CTSH: variants seen among roughly 807,000 people sequenced by gnomAD.
CTSH encodes the protein pro-cathepsin H.
A neutral mutation model predicts 56.3 loss-of-function variants in CTSH; 52 were observed. The observed-to-expected ratio is 0.92, with a 90% CI of 0.74 to 1.16. The LOEUF is 1.16. CTSH is among the 50% of genes most tolerant of loss of function. The probability of loss-of-function intolerance (pLI) is 0.00; values close to 1 mark genes in which losing one functional copy is unlikely to be tolerated. For synonymous variants in CTSH, 174 were observed against 155.7 expected (o/e 1.12, Z -0.88); for missense variants, 406 against 424.5 (o/e 0.96, Z 0.38).
chr15:78,940,442 C>G (rs1336033996), intron 1 of CTSH, among the ~76,000 whole-genome samples: 1 of 151,468 alleles, frequency 6.6e-6, no homozygotes, highest in Non-Finnish European at 1.5e-5. Context: ...AAAAATTAGA[C>G]GGGAGAATCA....
chr15:78,922,261 C>A (rs1291053997), intron 11 of CTSH, 56 bp from the exon 12 acceptor site: 1 of 1,448,440 alleles, frequency 6.9e-7, no homozygotes. Flanking sequence ...ACAGGCCTTT[C>A]TAGAATGTTT....
At chr15:78,941,679 C>T (rs1460118865) in intron 1 of CTSH, among the ~76,000 whole-genome samples, 1 of 151,712 alleles carries the variant, frequency 6.6e-6, no homozygotes. Context: ...GCCTGCAGTC[C>T]CAGCTACTCA....
At chr15:78,929,014 G>A (rs7163828) in intron 8 of CTSH, among the ~76,000 whole-genome samples, 1 of 151,686 alleles carries the variant, frequency 6.6e-6, no homozygotes, top group African/African-American at 2.4e-5. Context: ...GCCTTGATAG[G>A]GTAGGGGTGG....
intron 7 of CTSH, among the ~76,000 whole-genome samples, chr15:78,930,759 G>A (rs2055040263): frequency 6.6e-6 from 1 of 152,076 alleles, no homozygotes; most frequent in Non-Finnish European, 1.5e-5. Context: ...CCCTGCAGGA[G>A]GAAGAGCCAG....
rs893210154 is a variant in CTSH, at chr15:78,944,940, G to T, written c.42C>A (p.Leu14=). The change falls in exon 1 of 12, where the codon CTC becomes CTA. Residue 14 remains leucine, a synonymous_variant. Coordinates refer to ENST00000220166, the MANE Select transcript of CTSH (RefSeq NM_004390.5). ...CGGCACCGCAGACGGGGACTCCCAGGAGCCAGGCCCCGGCGCAGAGCAGCG... is the reference window on the plus strand; with the variant it reads ...CGGCACCGCAGACGGGGACTCCCAGTAGCCAGGCCCCGGCGCAGAGCAGCG... ...TLPLLCAGAW[L]LGVPVCGAAE... 1 of 1,548,452 alleles carries T rather than the reference G, an allele frequency of 6.5e-7. No individual in the cohort carries two copies. Among genetic ancestry groups the T allele is most frequent in the Non-Finnish European group, 8.7e-7 (1 of 1,146,190 alleles).
chr15:78,921,916 A>G lies in CTSH; in HGVS notation c.*214T>C. 1.7e-6 allele frequency: 1 copy of G among 583,442 alleles called. No homozygotes were observed. Among genetic ancestry groups the G allele is most frequent in the Non-Finnish European group, 3.1e-6 (1 of 327,186 alleles). 36.1% of individuals were successfully genotyped at this position (583,442 alleles called of 1,614,324 possible). Reference sequence around the variant, plus strand: ...AGTCTGTTAAGAAGGACACTAAGGCACATGGCTGGTGATCTTTGCGTCATA... The same window carrying G: ...AGTCTGTTAAGAAGGACACTAAGGCGCATGGCTGGTGATCTTTGCGTCATA... On this transcript the variant is annotated 3_prime_UTR_variant, in exon 12 of 12. Coordinates refer to ENST00000220166, the MANE Select transcript of CTSH (RefSeq NM_004390.5).
intron 10 of CTSH, 67 bp downstream of exon 10, chr15:78,925,267 T>G: frequency 1.0e-6 from 1 of 989,966 alleles, no homozygotes; most frequent in Non-Finnish European, 1.6e-6. Flanking sequence ...GTCCCACGAG[T>G]GGGGTGTGAG....
At chr15:78,944,314 A>G (rs2055350003) in intron 1 of CTSH, among the ~76,000 whole-genome samples, 1 of 152,208 alleles carries the variant, frequency 6.6e-6, no homozygotes, top group Admixed American at 6.5e-5. Flanking sequence ...AATCTGGCCA[A>G]CAAGAGGAGT....
chr15:78,941,842 T>G (rs1197393883), intron 1 of CTSH, among the ~76,000 whole-genome samples: 1 of 152,086 alleles, frequency 6.6e-6, no homozygotes, highest in Non-Finnish European at 1.5e-5. Context: ...TCATAATTAT[T>G]ATTAGTGTCC....
Position 78,937,314 on chromosome 15 carries a change from G to C in CTSH, c.229+4C>G, listed in dbSNP as rs368423187. 36 of 1,611,130 alleles carry C rather than the reference G, an allele frequency of 2.2e-5. No individual in the cohort carries two copies. In the African/African-American group the frequency reaches 4.0e-4, roughly 18 times the overall value. ...CCAGGAAGGAAGGAAGGCGTTCCAC[G>C]TACTTTTAAATGTGTGGTTCCCATT... On this transcript the variant is annotated splice_donor_region_variant and intron_variant, in intron 3 of 11. Coordinates refer to ENST00000220166, the MANE Select transcript of CTSH (RefSeq NM_004390.5).
intron 5 of CTSH, among the ~76,000 whole-genome samples, chr15:78,933,754 T>A (rs1221777099): frequency 6.6e-6 from 1 of 152,172 alleles, no homozygotes; most frequent in Non-Finnish European, 1.5e-5. Flanking sequence ...CAAACCACCC[T>A]CCCTCTCAGG....
Position 78,937,337 on chromosome 15 carries a change from A to G in CTSH, c.210T>C (p.Asn70=), listed in dbSNP as rs138419720. ...SNWRKINAHN[N]GNHTFKMALN... ...ACGTACTTTTAAATGTGTGGTTCCC[A>G]TTGTTGTGGGCGTTTATCTTCCTCC... is the stretch of plus-strand genomic sequence containing the variant. Residue 70 remains asparagine, a synonymous_variant, in exon 3 of 12, where the codon AAT becomes AAC. Coordinates refer to ENST00000220166, the MANE Select transcript of CTSH (RefSeq NM_004390.5). 1.7e-4 allele frequency: 271 copies of G among 1,613,264 alleles called. 1 individual carries two copies. In the African/African-American group the frequency reaches 3.4e-3, roughly 20 times the overall value.
chr15:78,944,034 G>A (rs1259851501), intron 1 of CTSH, among the ~76,000 whole-genome samples: 1 of 152,228 alleles, frequency 6.6e-6, no homozygotes, highest in Non-Finnish European at 1.5e-5. Flanking sequence ...TCTAGCTGGG[G>A]GAAAGCCCTG....
At chr15:78,926,662 T>A (rs1479368212) in intron 9 of CTSH, 1 of 152,224 alleles carries the variant, frequency 6.6e-6, no homozygotes, top group Admixed American at 6.5e-5. Context: ...CGCTGTATGT[T>A]GTCAAGGCAA....
Position 78,944,949 on chromosome 15 carries a change from C to T in CTSH, c.33G>A (p.Gly11=), listed in dbSNP as rs545051698. ...AGACGGGGACTCCCAGGAGCCAGGC[C>T]CCGGCGCAGAGCAGCGGCAGCGTGG... MWATLPLLCA[G]AWLLGVPVCG... The change falls in exon 1 of 12, where the codon GGG becomes GGA. Residue 11 remains glycine (G), a synonymous_variant. Coordinates refer to ENST00000220166, the MANE Select transcript of CTSH (RefSeq NM_004390.5). 2.3e-3 allele frequency: 3,637 copies of T among 1,547,876 alleles called. 6 individuals carry two copies. The highest frequency in any genetic ancestry group is 2.9e-3 in the Non-Finnish European group (3,336 of 1,146,060).
chr15:78,944,076 C>G (rs1004068548), intron 1 of CTSH, among the ~76,000 whole-genome samples: 3 of 152,346 alleles, frequency 2.0e-5, no homozygotes, highest in Admixed American at 6.5e-5. Flanking sequence ...GGCACCCCCC[C>G]TCCCTAGGTT....
intron 8 of CTSH, 60 bp from the exon 9 acceptor site, chr15:78,927,841 A>G (rs2054946781): frequency 7.2e-7 from 1 of 1,379,616 alleles, no homozygotes; most frequent in African/African-American, 1.4e-5. Context: ...CAGCCTCCCC[A>G]CGCAGTTCAA....
intron 4 of CTSH, 61 bp from the exon 5 acceptor site, chr15:78,935,143 A>G: frequency 8.8e-7 from 1 of 1,137,746 alleles, no homozygotes; most frequent in South Asian, 1.3e-5. Context: ...CTTTCTGACA[A>G]CAAGAAGAAG....
Position 78,921,757 on chromosome 15 carries a change from C to T in CTSH, c.*373G>A, listed in dbSNP as rs141803876. On this transcript the variant is annotated 3_prime_UTR_variant, in exon 12 of 12. Coordinates refer to ENST00000220166, the MANE Select transcript of CTSH (RefSeq NM_004390.5). ...CCTGGTTTGAGTCATGGCCCAGGACCAGCATGCTCCATCTGGGGAGGTGCT... is the reference window on the plus strand; with the variant it reads ...CCTGGTTTGAGTCATGGCCCAGGACTAGCATGCTCCATCTGGGGAGGTGCT... 5.2e-4 allele frequency: 103 copies of T among 199,808 alleles called. 1 individual carries two copies. In the East Asian group the frequency reaches 0.01, roughly 20 times the overall value. The allele number at this position is 199,808 out of a possible 1,614,324, so 12.4% of individuals were successfully genotyped here.
Sources: gnomAD v4.1 joint callset for allele counts (sites outside exome capture counted in the v4.1 genomes callset) on GRCh38, gnomAD v4.1.1 for gene constraint, MANE v1.5 for transcripts, NCBI Gene and HGNC (gene_info 2026-07-23, HGNC 2026-07-21) for gene names.